The following PCM1 variants were observed in gnomAD, a reference collection of about 807,000 sequenced individuals.
PCM1 encodes pericentriolar material 1 protein.
In PCM1, 157 loss-of-function variants were observed where a neutral mutation model predicts 241.9. The ratio of observed to expected loss-of-function variants is 0.65; its 90% CI spans 0.57 to 0.74. The LOEUF is 0.74. Among genes scored for constraint, PCM1 ranks in the 30% least tolerant of loss-of-function variants. PCM1 has a pLI of 0.00. For synonymous variants in PCM1, 1,085 were observed against 784.9 expected (o/e 1.38, Z -6.39); for missense variants, 3,478 against 2,360.1 (o/e 1.47, Z -9.81).
intron 5 of PCM1, 127 bp downstream of exon 5, chr8:17,939,136 C>G (rs2061297504): frequency 1.3e-6 from 1 of 789,418 alleles, no homozygotes. Flanking sequence ...TCACTGACCT[C>G]CTTTGTTAAT....
At chr8:17,956,851 A>C in intron 11 of PCM1, 74 bp downstream of exon 11, 1 of 1,179,908 alleles carries the variant, frequency 8.5e-7, no homozygotes, top group Non-Finnish European at 1.2e-6. Context: ...GAACAAAAAT[A>C]CTTCGTTGTA....
chr8:17,929,456 T>C (rs1440742858), intron 2 of PCM1, among the ~76,000 whole-genome samples: 1 of 152,230 alleles, frequency 6.6e-6, no homozygotes, highest in African/African-American at 2.4e-5. Flanking sequence ...TGTTGAGAGA[T>C]AGATCGCTAT....
intron 17 of PCM1, among the ~76,000 whole-genome samples, chr8:17,963,799 A>G (rs955099461): frequency 8.5e-5 from 13 of 152,198 alleles, no homozygotes; most frequent in Non-Finnish European, 1.5e-4. Context: ...GCTATATAGT[A>G]GTAACCATAT....
At chr8:17,985,649 C>G in intron 25 of PCM1, 30 bp downstream of exon 25, 1 of 1,529,228 alleles carries the variant, frequency 6.5e-7, no homozygotes, top group Non-Finnish European at 9.0e-7. Context: ...ATTTTTCCTA[C>G]CCTATTATCA....
chr8:18,023,089 T>C (rs1218648956), intron 36 of PCM1, among the ~76,000 whole-genome samples: 1 of 152,148 alleles, frequency 6.6e-6, no homozygotes, highest in African/African-American at 2.4e-5. Context: ...TCATTCCCAA[T>C]TGGTGGGTAA....
intron 2 of PCM1, among the ~76,000 whole-genome samples, chr8:17,933,891 C>G (rs1366797178): frequency 6.6e-6 from 1 of 151,752 alleles, no homozygotes; most frequent in Non-Finnish European, 1.5e-5. Context: ...TTATTTTAAG[C>G]ATAATGTTGA....
chr8:17,997,487 T>G (rs1043483844), intron 29 of PCM1, among the ~76,000 whole-genome samples: 3 of 152,170 alleles, frequency 2.0e-5, no homozygotes, highest in African/African-American at 7.2e-5. Context: ...AGATTTGTCC[T>G]GTTGAGGTTA....
chr8:17,932,834 T>C (rs933705462), intron 2 of PCM1, among the ~76,000 whole-genome samples: 1 of 152,218 alleles, frequency 6.6e-6, no homozygotes, highest in Non-Finnish European at 1.5e-5. Flanking sequence ...TTTGACTATT[T>C]TGATAGTATG....
chr8:17,969,621 T>C lies in PCM1; in HGVS notation c.3457T>C (p.Ser1153Pro). Residue 1153 changes from serine to proline, a missense_variant, in exon 22 of 39, where the codon TCT becomes CCT. Transcript: ENST00000325083. ...PLFPSNFGDF[S>P]QNISTPSEQQ... ...ATTTCCTTCTAATTTTGGAGATTTTTCTCAGAATATCTCTACACCCAGTGA... is the reference window on the plus strand; with the variant it reads ...ATTTCCTTCTAATTTTGGAGATTTTCCTCAGAATATCTCTACACCCAGTGA... 6.2e-7 allele frequency: 1 copy of C among 1,611,254 alleles called. No individual in the cohort carries two copies. The highest frequency in any genetic ancestry group is 8.5e-7 in the Non-Finnish European group (1 of 1,178,618).
rs892682045 is a variant in PCM1 at position 18,014,502 on chromosome 8, G to A, written c.5585-82G>A. On this transcript the variant is annotated intron_variant, in intron 35 of 38. Coordinates refer to ENST00000325083, the MANE Select transcript of PCM1 (RefSeq NM_006197.4). ...TAAATATCTTGATTGCTCTTATTCA[G>A]GCGTATTGTCTTTATTAGTATAATA... The A allele has an allele frequency of 6.4e-6, 7 of 1,092,810 alleles. No individual in the cohort carries two copies. The Admixed American group carries it at 1.6e-4, about 25-fold the overall frequency. The allele number at this position is 1,092,810 out of a possible 1,614,324, so 67.7% of individuals were successfully genotyped here.
intron 36 of PCM1, among the ~76,000 whole-genome samples, chr8:18,015,179 A>G (rs1564401293): frequency 6.6e-6 from 1 of 152,178 alleles, no homozygotes; most frequent in South Asian, 2.1e-4. Flanking sequence ...CAAATTTTCA[A>G]TAAACTTAAA....
chr8:17,959,986 T>C (rs2070896182), intron 13 of PCM1, 28 bp from the exon 14 acceptor site: 1 of 1,604,818 alleles, frequency 6.2e-7, no homozygotes, highest in Non-Finnish European at 8.5e-7. Flanking sequence ...GGTATCAAGA[T>C]TGTTTTAATG....
chr8:17,962,152 A>T lies in PCM1; in HGVS notation c.2441A>T (p.Asp814Val), dbSNP rs774585543. ...STSKSVFEPE[D>V]SSIVDNELWS... ...AGCAAATCTGTTTTTGAGCCTGAAG[A>T]TTCTTCAATAGTAGATAATGAGGTA... The change falls in exon 16 of 39, where the codon GAT becomes GTT. Residue 814 changes from aspartate to valine, a missense_variant. Transcript: ENST00000325083. 6.2e-7 allele frequency: 1 copy of T among 1,607,212 alleles called. No homozygotes were observed.
Position 17,937,328 on chromosome 8 carries a change from G to C in PCM1, c.291G>C (p.Gln97His). 1 of 1,608,306 alleles carries C rather than the reference G, an allele frequency of 6.2e-7. No individual in the cohort carries two copies. The highest frequency in any genetic ancestry group is 8.5e-7 in the Non-Finnish European group (1 of 1,177,096). ...TGAGTCAGATGTCTGTCCCAGAGCA[G>C]GCAGAATTAGAGAAACTGAAACAGC... The part of the protein sequence containing the change: ...RYMSQMSVPE[Q>H]AELEKLKQRI... Residue 97 changes from glutamine (Q) to histidine (H), a missense_variant, in exon 4 of 39, where the codon CAG becomes CAC. Transcript: ENST00000325083.
chr8:17,976,771 C>T (rs568803944), intron 23 of PCM1, among the ~76,000 whole-genome samples: 10 of 151,090 alleles, frequency 6.6e-5, no homozygotes, highest in South Asian at 2.1e-4. Flanking sequence ...GTGGCATAGG[C>T]GATAACATCC....
Position 17,953,051 on chromosome 8 carries a change from G to A in PCM1, c.1153G>A (p.Ala385Thr). Residue 385 changes from alanine (A) to threonine (T), a missense_variant, in exon 9 of 39, where the codon GCT becomes ACT. Transcript: ENST00000325083. Reference sequence around the variant, plus strand: ...GGTTTCCCAGAGCAGGAAACCATCAGCTTCAGAACGTTTACCTGATGAGAA... The same window carrying A: ...GGTTTCCCAGAGCAGGAAACCATCAACTTCAGAACGTTTACCTGATGAGAA... Reference protein sequence around the residue: ...REVSQSRKPSASERLPDEKVE... With the variant: ...REVSQSRKPSTSERLPDEKVE... The A allele has an allele frequency of 6.2e-7, 1 of 1,607,242 alleles. No homozygotes were observed. The highest frequency in any genetic ancestry group is 1.7e-4 in the Middle Eastern group (1 of 6,050).
chr8:18,012,079 C>T (rs142883637), intron 34 of PCM1, among the ~76,000 whole-genome samples: 1 of 152,154 alleles, frequency 6.6e-6, no homozygotes, highest in Non-Finnish European at 1.5e-5. Context: ...CTCATAGCCT[C>T]AAACTCCTGA....
intron 6 of PCM1, 30 bp downstream of exon 6, chr8:17,939,891 T>A: frequency 7.5e-7 from 1 of 1,333,436 alleles, no homozygotes; most frequent in Non-Finnish European, 1.0e-6. Context: ...AATAACATAT[T>A]ATTTTTGTAG....
chr8:17,977,858 A>G (rs971199946), intron 23 of PCM1, among the ~76,000 whole-genome samples: 2 of 152,124 alleles, frequency 1.3e-5, no homozygotes, highest in African/African-American at 2.4e-5. Flanking sequence ...TCATCTTGCC[A>G]TTATTAAAGC....
Sources: gnomAD v4.1 joint callset for allele counts (sites outside exome capture counted in the v4.1 genomes callset) on GRCh38, gnomAD v4.1.1 for gene constraint, MANE v1.5 for transcripts, NCBI Gene and HGNC (gene_info 2026-07-23, HGNC 2026-07-21) for gene names.